ZNF117: variants seen among roughly 807,000 people sequenced by gnomAD.
ZNF117 encodes Krueppel-related zinc finger protein.
A neutral mutation model predicts 41.2 loss-of-function variants in ZNF117; 37 were observed. That is an observed-to-expected ratio of 0.90 (90% CI 0.69 to 1.18). The LOEUF (loss-of-function observed/expected upper bound fraction) is 1.18. ZNF117 is among the 50% of genes most tolerant of loss of function. The pLI, the probability that ZNF117 is intolerant of heterozygous loss-of-function variation, is 0.00. For synonymous variants in ZNF117, 186 were observed against 186.6 expected, an observed-to-expected ratio of 1.00 and a Z score of 0.02; for missense variants, 546 against 557.5, an observed-to-expected ratio of 0.98 and a Z score of 0.21.
intron 2 of ZNF117, 170 bp downstream of exon 3, chr7:64,981,217 G>A (rs1244789697): frequency 1.2e-6 from 1 of 834,846 alleles, no homozygotes; most frequent in Admixed American, 3.0e-5. Flanking sequence ...TTAGAGAATT[G>A]AAAAACAATA....
intron 2 of ZNF117, chr7:64,980,234 C>T (rs998524116): frequency 2.6e-5 from 4 of 152,008 alleles, no homozygotes; most frequent in African/African-American, 9.7e-5. Flanking sequence ...CAGACTTTGC[C>T]AGGACAAAGC....
chr7:64,985,546 A>G (rs1323035712), upstream of ZNF117, among the ~76,000 whole-genome samples: 1 of 152,260 alleles, frequency 6.6e-6, no homozygotes, highest in East Asian at 1.9e-4. Flanking sequence ...CTAGACAAAG[A>G]CAATCCCAAG....
At chr7:64,978,158 T>C (rs1408948335) in exon 3 of ZNF117, 2 of 1,611,706 alleles carry the variant, frequency 1.2e-6, no homozygotes, top group African/African-American at 1.3e-5. Context: ...ATTTGTACTG[T>C]TTCTCTTCAG....
chr7:64,977,994 T>C, exon 3 of ZNF117: 1 of 1,286,906 alleles, frequency 7.8e-7, no homozygotes, highest in Non-Finnish European at 1.1e-6. Flanking sequence ...GTGTAACTTC[T>C]CTCCAGTATG....
exon 3 of ZNF117, chr7:64,978,425 G>T (rs755741176): frequency 1.9e-6 from 3 of 1,607,326 alleles, no homozygotes; most frequent in Non-Finnish European, 2.5e-6. Flanking sequence ...CTCCAGTATG[G>T]ATTATCTTAT....
chr7:64,977,411 T>C, exon 3 of ZNF117: 1 of 430,250 alleles, frequency 2.3e-6, no homozygotes, highest in Non-Finnish European at 4.6e-6. Flanking sequence ...GTTTCTCTCC[T>C]GTATGAATTT....
chr7:64,971,773 T>A (rs939565550), downstream of ZNF117: 1 of 152,094 alleles, frequency 6.6e-6, no homozygotes, highest in Admixed American at 6.5e-5. Flanking sequence ...CCCATAACAT[T>A]GATCTAGGCT....
intron 1 of ZNF117, among the ~76,000 whole-genome samples, chr7:64,989,296 A>T (rs937007749): frequency 4.0e-5 from 6 of 151,502 alleles, no homozygotes; most frequent in Non-Finnish European, 8.8e-5. Context: ...AGCTTACAAG[A>T]GCAATGCAGG....
chr7:64,977,516 AGT>A (rs1785917107), exon 3 of ZNF117: 40 of 525,170 alleles, frequency 7.6e-5, no homozygotes, highest in South Asian at 5.8e-4. Context: ...TTTTATGTAT[AGT>A]AAGAGTTGAC....
chr7:64,980,110 A>T (rs928154771), intron 2 of ZNF117: 1 of 152,740 alleles, frequency 6.5e-6, no homozygotes, highest in Non-Finnish European at 1.5e-5. Context: ...GACTATTAAG[A>T]AGAAACATGA....
chr7:64,978,125 A>G (rs1389029605), exon 3 of ZNF117: 9 of 1,608,284 alleles, frequency 5.6e-6, no homozygotes, highest in Non-Finnish European at 7.6e-6. Flanking sequence ...AGGATCAGGT[A>G]GAAGCTTTGC....
chr7:64,979,686 G>T (rs1397379623), intron 2 of ZNF117, 150 bp from the exon 4 acceptor site: 7 of 535,214 alleles, frequency 1.3e-5, no homozygotes, highest in Non-Finnish European at 2.1e-5. Flanking sequence ...ACATATAAAT[G>T]TAACAAGAGC....
chr7:64,972,505 TGGA>T (rs1036044980), downstream of ZNF117: 14 of 152,164 alleles, frequency 9.2e-5, no homozygotes, highest in African/African-American at 3.1e-4. Flanking sequence ...TGAATTAACC[TGGA>T]GGACATCATA....
chr7:64,972,243 T>C (rs780204318), downstream of ZNF117: 8 of 151,824 alleles, frequency 5.3e-5, no homozygotes, highest in African/African-American at 7.2e-5. Flanking sequence ...AGAGTCACTA[T>C]GAAAAACAAA....
At chr7:64,978,280 T>A (rs759766674) in exon 3 of ZNF117, 13 of 1,595,420 alleles carry the variant, frequency 8.1e-6, no homozygotes, top group Non-Finnish European at 1.1e-5. Context: ...CCAATAAGGG[T>A]TGAAGATCGG....
chr7:64,978,908 G>A (rs1785960877), exon 3 of ZNF117: 1 of 1,613,522 alleles, frequency 6.2e-7, no homozygotes, highest in Non-Finnish European at 8.5e-7. Flanking sequence ...TCTCACATTT[G>A]TAGGGAATTT....
At chr7:64,984,721 T>A (rs548741367), upstream of ZNF117, among the ~76,000 whole-genome samples, 79 of 150,176 alleles carry the variant, frequency 5.3e-4, no homozygotes, top group African/African-American at 1.9e-3. Context: ...ATAGGATTTT[T>A]AAAAATTGTC....
intron 1 of ZNF117, 30 bp from the exon 3 acceptor site, chr7:64,981,512 C>T: frequency 6.6e-7 from 1 of 1,516,738 alleles, no homozygotes; most frequent in South Asian, 1.1e-5. Flanking sequence ...TAACATAAAT[C>T]TTGCACATAT....
At chr7:64,990,361 G>C (rs939901700) in exon 1 of ZNF117, 1 of 172,916 alleles carries the variant, frequency 5.8e-6, no homozygotes, top group Non-Finnish European at 1.2e-5. Flanking sequence ...ATCACTGGGT[G>C]CAACAGGAAG....
Sources: allele counts gnomAD v4.1 joint callset (sites outside exome capture counted in the v4.1 genomes callset), GRCh38; gene constraint gnomAD v4.1.1; transcripts MANE v1.5; gene names NCBI Gene and HGNC (gene_info 2026-07-23, HGNC 2026-07-21).